CCDC40: variants seen among roughly 807,000 people sequenced by gnomAD.
The protein encoded by CCDC40 is coiled-coil domain-containing protein 40.
CCDC40 carries 104 observed loss-of-function variants against 124.5 expected under a neutral mutation model. The observed-to-expected ratio is 0.84, with a 90% CI of 0.71 to 0.98. CCDC40 has a LOEUF of 0.98. CCDC40 is among the 50% of genes least tolerant of loss of function. The probability of loss-of-function intolerance (pLI) is 0.00; values close to 1 mark genes in which losing one functional copy is unlikely to be tolerated. For missense variants in CCDC40, 1,463 were observed against 1,503.9 expected, an observed-to-expected ratio of 0.97 and a Z score of 0.45; for synonymous variants, 580 against 602.9, an observed-to-expected ratio of 0.96 and a Z score of 0.56.
chr17:80,036,700 G>T lies in CCDC40; in HGVS notation c.29+9G>T. The T allele has an allele frequency of 6.8e-7, 1 of 1,464,214 alleles. No individual in the cohort carries two copies. The highest frequency in any genetic ancestry group is 2.8e-5 in the East Asian group (1 of 35,266). 90.7% of individuals were successfully genotyped at this position (1,464,214 alleles called of 1,614,324 possible). A position where few individuals can be genotyped will look rare whatever the true frequency, so the allele number is the denominator to read the frequency against. ...GGCGGCGCGGCGGGCCGGTAAGCCGGGCCGAGGGGCAGCGGGTCTTGGAGT... is the reference window on the plus strand; with the variant it reads ...GGCGGCGCGGCGGGCCGGTAAGCCGTGCCGAGGGGCAGCGGGTCTTGGAGT... On this transcript the variant is annotated intron_variant, in intron 1 of 19. Coordinates refer to ENST00000397545, the MANE Select transcript of CCDC40 (RefSeq NM_017950.4).
At chr17:80,063,101 A>G (rs1313066083) in intron 9 of CCDC40, among the ~76,000 whole-genome samples, 1 of 152,132 alleles carries the variant, frequency 6.6e-6, no homozygotes, top group Non-Finnish European at 1.5e-5. Flanking sequence ...AGACTGAGAC[A>G]GGAGAATTGC....
intron 12 of CCDC40, among the ~76,000 whole-genome samples, chr17:80,083,513 G>A (rs2143740639): frequency 6.6e-6 from 1 of 152,332 alleles, no homozygotes; most frequent in Middle Eastern, 3.4e-3. Context: ...TGTGTGGCAG[G>A]AGCCGACGGG....
rs751264205 is a variant in CCDC40 at position 80,058,943 on chromosome 17, C to T, written c.1403C>T (p.Ala468Val). The change falls in exon 9 of 20, where the codon GCT (alanine) becomes GTT (valine). Residue 468 changes from alanine to valine, a missense_variant. Coordinates refer to ENST00000397545, the MANE Select transcript of CCDC40 (RefSeq NM_017950.4). The surrounding 1 kb of genome is among the most constrained non-coding windows in gnomAD (Gnocchi z 4.2). Reference sequence around the variant, plus strand: ...TTTGAGGCTCAGTACTTGGCCCAAGCTGAGGACACCCGGATTTTAAGGAAA... The same window carrying T: ...TTTGAGGCTCAGTACTTGGCCCAAGTTGAGGACACCCGGATTTTAAGGAAA... ...ALFEAQYLAQ[A>V]EDTRILRKAV... 4.3e-6 allele frequency: 7 copies of T among 1,614,088 alleles called. No homozygotes were observed. In the South Asian group the frequency reaches 7.7e-5, roughly 18 times the overall value.
chr17:80,054,992 A>C lies in CCDC40; in HGVS notation c.1160-3502A>C, dbSNP rs151318684. Among the ~76,000 whole-genome samples, 1,124 of 152,136 alleles carry C rather than the reference A, an allele frequency of 7.4e-3. 8 individuals are homozygous for C. Among genetic ancestry groups the C allele is most frequent in the Non-Finnish European group, 0.012 (796 of 67,992 alleles). On this transcript the variant is annotated intron_variant, in intron 7 of 19. Coordinates refer to ENST00000397545, the MANE Select transcript of CCDC40 (RefSeq NM_017950.4). ...ACTGTCTCAAAAAAAAAAAATAAAT[A>C]AATCAAATAAAACAAAATACAAGGA...
Position 80,095,291 on chromosome 17 carries a change from A to C in CCDC40, c.2861A>C (p.Gln954Pro), listed in dbSNP as rs1390152748. Residue 954 changes from glutamine to proline, a missense_variant, in exon 18 of 20, where the codon CAG (glutamine) becomes CCG (proline). By Grantham distance (76) the Gln-to-Pro change is moderately conservative. Transcript: ENST00000397545. Reference sequence around the variant, plus strand: ...AGGCTCGGGCAGCTGCTGAAGCAGCAGGAGAAGATGATCCGTGCCATGGAG... The same window carrying C: ...AGGCTCGGGCAGCTGCTGAAGCAGCCGGAGAAGATGATCCGTGCCATGGAG... Reference protein sequence around the residue: ...KVRLGQLLKQQEKMIRAMELA... With the variant: ...KVRLGQLLKQPEKMIRAMELA... 6.2e-7 allele frequency: 1 copy of C among 1,613,984 alleles called. No individual in the cohort carries two copies. The highest frequency in any genetic ancestry group is 1.7e-5 in the Admixed American group (1 of 60,028).
chr17:80,082,837 A>G (rs188570171), intron 12 of CCDC40, among the ~76,000 whole-genome samples: 1 of 152,190 alleles, frequency 6.6e-6, no homozygotes, highest in South Asian at 2.1e-4. Flanking sequence ...CAGTTTCCAG[A>G]AGAGGGCAGC....
chr17:80,081,969 G>A lies in CCDC40; in HGVS notation c.1900G>A (p.Glu634Lys), dbSNP rs1189621259. 3 of 1,613,794 alleles carry A rather than the reference G, an allele frequency of 1.9e-6. No individual in the cohort carries two copies. The highest frequency in any genetic ancestry group is 2.7e-5 in the African/African-American group (2 of 74,866). The change falls in exon 12 of 20, where the codon GAG becomes AAG. Residue 634 changes from glutamate (E) to lysine (K), a missense_variant. Physicochemically the swap from Glu to Lys is moderately conservative, Grantham distance 56. Coordinates refer to ENST00000397545, the MANE Select transcript of CCDC40 (RefSeq NM_017950.4). ...GAGGAAGACGGATGCTGCCATCCGG[G>A]AGAAGCTGCAGGAGCACATGACCTC... Reference protein sequence around the residue: ...LRRKTDAAIREKLQEHMTSNK... With the variant: ...LRRKTDAAIRKKLQEHMTSNK...
At chr17:80,038,244 T>A (rs2037180421) in intron 2 of CCDC40, 58 bp downstream of exon 2, 3 of 1,210,788 alleles carry the variant, frequency 2.5e-6, no homozygotes, top group Non-Finnish European at 3.7e-6. Flanking sequence ...TTAAAGAGAA[T>A]CAGAGTACGG....
At position 80,040,333 on chromosome 17, in the gene CCDC40, TG is replaced by T. The variant is rs2037245281; in HGVS notation, c.552+64del. On this transcript the variant is annotated intron_variant, in intron 3 of 19. Transcript: ENST00000397545. ...ACGGCCCACGGGGTTTGTCACCCTATGTGAGGAACTTGGGAATACATTATAA... is the reference window on the plus strand; with the variant it reads ...ACGGCCCACGGGGTTTGTCACCCTATTGAGGAACTTGGGAATACATTATAA... The T allele has an allele frequency of 2.5e-5, 36 of 1,428,888 alleles. No individual in the cohort carries two copies. The South Asian group carries it at 4.2e-4, about 17-fold the overall frequency. The allele number at this position is 1,428,888 out of a possible 1,614,324, so 88.5% of individuals were successfully genotyped here. A position where few individuals can be genotyped will look rare whatever the true frequency, so the allele number is the denominator to read the frequency against.
At chr17:80,075,915 T>C (rs1023179665) in intron 10 of CCDC40, among the ~76,000 whole-genome samples, 9 of 152,176 alleles carry the variant, frequency 5.9e-5, no homozygotes, top group Non-Finnish European at 1.3e-4. Context: ...ACTCCCGATG[T>C]GGTGGAAACA....
chr17:80,059,643 T>C (rs1430695673), intron 9 of CCDC40, among the ~76,000 whole-genome samples: 1 of 151,502 alleles, frequency 6.6e-6, no homozygotes, highest in Non-Finnish European at 1.5e-5. Flanking sequence ...CACTGCAACC[T>C]CCGCCTCCCA....
chr17:80,099,697 G>C lies in CCDC40; in HGVS notation c.3351G>C (p.Glu1117Asp). Reference sequence around the variant, plus strand: ...CCATCCTGGACCGCGTGCGGGACGAGTACCCCCAGTTCCAGGAGGCCCTGC... The same window carrying C: ...CCATCCTGGACCGCGTGCGGGACGACTACCCCCAGTTCCAGGAGGCCCTGC... ...IATILDRVRDEYPQFQEALHK... is the reference protein window; with the variant it reads ...IATILDRVRDDYPQFQEALHK... Residue 1117 changes from glutamate (E) to aspartate (D), a missense_variant, in exon 20 of 20, where the codon GAG becomes GAC. Transcript: ENST00000397545. 1 of 1,613,878 alleles carries C rather than the reference G, an allele frequency of 6.2e-7. No homozygotes were observed. Among genetic ancestry groups the C allele is most frequent in the South Asian group, 1.1e-5 (1 of 91,080 alleles).
At chr17:80,089,441 A>T in intron 16 of CCDC40, 1 of 349,192 alleles carries the variant, frequency 2.9e-6, no homozygotes, top group Non-Finnish European at 5.5e-6. Context: ...CAGGCTTTTT[A>T]CTTTTTCTTA....
intron 3 of CCDC40, among the ~76,000 whole-genome samples, chr17:80,043,200 G>C (rs557991447): frequency 1.7e-4 from 26 of 152,310 alleles, no homozygotes; most frequent in South Asian, 1.5e-3. Context: ...ACCAGCCTTT[G>C]TGTGATCGGA....
intron 18 of CCDC40, 34 bp downstream of exon 18, chr17:80,095,485 C>G: frequency 6.3e-7 from 1 of 1,599,522 alleles, no homozygotes; most frequent in Non-Finnish European, 8.6e-7. Context: ...AGGGCGCCTG[C>G]TCCTCTCTCT....
chr17:80,058,544 A>G lies in CCDC40; in HGVS notation c.1210A>G (p.Met404Val), dbSNP rs774090634. The change falls in exon 8 of 20, where the codon ATG becomes GTG. Residue 404 changes from methionine to valine, a missense_variant. Transcript: ENST00000397545. This position sits in a 1 kb window ranked among gnomAD's most constrained non-coding sequence, Gnocchi z 4.2. ...MENLALHLFY[M>V]QNIDQDMRDD... Reference sequence around the variant, plus strand: ...GAACTTGGCCCTGCATCTCTTCTACATGCAGAACATCGACCAGGACATGCG... The same window carrying G: ...GAACTTGGCCCTGCATCTCTTCTACGTGCAGAACATCGACCAGGACATGCG... 2.9e-5 allele frequency: 47 copies of G among 1,614,040 alleles called. No individual in the cohort carries two copies. The highest frequency in any genetic ancestry group is 1.6e-4 in the African/African-American group (12 of 74,934).
At chr17:80,056,008 A>G (rs375286080) in intron 7 of CCDC40, among the ~76,000 whole-genome samples, 1 of 12,286 alleles carries the variant, frequency 8.1e-5, no homozygotes, top group South Asian at 3.5e-3. Flanking sequence ...ATATATATAT[A>G]TATATATATT....
intron 18 of CCDC40, 30 bp downstream of exon 18, chr17:80,095,481 C>A (rs960276670): frequency 5.0e-6 from 8 of 1,603,508 alleles, no homozygotes; most frequent in Non-Finnish European, 5.1e-6. Flanking sequence ...AAACAGGGCG[C>A]CTGCTCCTCT....
chr17:80,090,531 A>T lies in CCDC40; in HGVS notation c.2832+647A>T. 5 of 1,521,804 alleles carry T rather than the reference A, an allele frequency of 3.3e-6. No individual in the cohort carries two copies. The South Asian group carries it at 6.0e-5, about 18-fold the overall frequency. The allele number at this position is 1,521,804 out of a possible 1,614,324, so 94.3% of individuals were successfully genotyped here. On this transcript the variant is annotated intron_variant, in intron 17 of 19. Coordinates refer to ENST00000397545, the MANE Select transcript of CCDC40 (RefSeq NM_017950.4). ...ACGCTGTTTTATTCCTACTCCATGT[A>T]ATCACAGCACGCTGGTATTTTTAAA... is the stretch of plus-strand genomic sequence containing the variant.
Sources: gnomAD v4.1 joint callset for allele counts (sites outside exome capture counted in the v4.1 genomes callset) on GRCh38, gnomAD v4.1.1 for gene constraint, Gnocchi (gnomAD v3.1) non-coding constraint, MANE v1.5 for transcripts, NCBI Gene and HGNC (gene_info 2026-07-23, HGNC 2026-07-21) for gene names.